Variants in PRDM6 observed in about 807,000 individuals in gnomAD.
The protein encoded by PRDM6 is PR/SET domain 6.
In PRDM6, 25 loss-of-function variants were observed where a neutral mutation model predicts 60.8. The ratio of observed to expected loss-of-function variants is 0.41; its 90% CI spans 0.30 to 0.57. The LOEUF is 0.57. Ranked by LOEUF, PRDM6 falls within the 20% of genes least tolerant of loss-of-function variation. PRDM6 has a pLI of 0.27. For synonymous variants in PRDM6, 407 were observed against 357.4 expected (o/e 1.14, Z -1.57); for missense variants, 839 against 821.3 (o/e 1.02, Z -0.26).
At chr5:123,104,235 G>A (rs1224308809) in intron 3 of PRDM6, among the ~76,000 whole-genome samples, 1 of 151,946 alleles carries the variant, frequency 6.6e-6, no homozygotes, top group Non-Finnish European at 1.5e-5. Flanking sequence ...ATTGCTAAAT[G>A]TTTATATTTC....
chr5:123,181,984 A>G (rs554004750), intron 7 of PRDM6, among the ~76,000 whole-genome samples: 1 of 152,352 alleles, frequency 6.6e-6, no homozygotes, highest in Admixed American at 6.5e-5. Context: ...GTTAATAATC[A>G]AAATAGTGAT....
chr5:123,174,155 T>A (rs1000452222), intron 6 of PRDM6, among the ~76,000 whole-genome samples: 1 of 152,224 alleles, frequency 6.6e-6, no homozygotes, highest in Non-Finnish European at 1.5e-5. Flanking sequence ...TCTGAAAATC[T>A]GAAATCTGAA....
chr5:123,101,215 A>G (rs1764096136), intron 3 of PRDM6, among the ~76,000 whole-genome samples: 1 of 152,176 alleles, frequency 6.6e-6, no homozygotes, highest in South Asian at 2.1e-4. Flanking sequence ...GAGATACAGT[A>G]TGAAAAACAG....
chr5:123,188,011 A>T lies in PRDM6; in HGVS notation c.*810A>T, dbSNP rs1390440610. On this transcript the variant is annotated 3_prime_UTR_variant, in exon 8 of 8. Transcript: ENST00000407847. ...CAATAACATTTTAGCTTAAAAAAAAAAAAAGAAAATGAAAATAAAGTTCTT... is the reference window on the plus strand; with the variant it reads ...CAATAACATTTTAGCTTAAAAAAAATAAAAGAAAATGAAAATAAAGTTCTT... The T allele has an allele frequency of 6.6e-6, 1 of 152,308 alleles. No individual in the cohort carries two copies. The highest frequency in any genetic ancestry group is 2.1e-4 in the South Asian group (1 of 4,824). The allele number at this position is 152,308 out of a possible 1,614,324, so 9.4% of individuals were successfully genotyped here.
intron 2 of PRDM6, among the ~76,000 whole-genome samples, chr5:123,091,525 A>G (rs541159696): frequency 1.4e-3 from 206 of 152,376 alleles, no homozygotes; most frequent in South Asian, 6.0e-3. Context: ...GTACAGTTCC[A>G]TTTGGCGGTT....
chr5:123,149,572 T>C (rs1430459919), intron 3 of PRDM6, among the ~76,000 whole-genome samples: 2 of 152,190 alleles, frequency 1.3e-5, no homozygotes, highest in African/African-American at 4.8e-5. Flanking sequence ...AAAGGTATAG[T>C]GGGTGCCTAT....
intron 3 of PRDM6, among the ~76,000 whole-genome samples, chr5:123,102,639 G>A (rs1764129212): frequency 6.6e-6 from 1 of 151,968 alleles, no homozygotes; most frequent in Non-Finnish European, 1.5e-5. Context: ...AAAATTAAAA[G>A]CAGTTGAATC....
chr5:123,124,501 A>G (rs1232131867), intron 3 of PRDM6, among the ~76,000 whole-genome samples: 3 of 152,218 alleles, frequency 2.0e-5, no homozygotes, highest in African/African-American at 7.2e-5. Context: ...CAAATCTGTT[A>G]TTTCAGACAA....
rs1027893277 is a variant in PRDM6 at position 123,099,297 on chromosome 5, A to G, written c.593-357A>G. Among the ~76,000 whole-genome samples the G allele has an allele frequency of 5.9e-5, 9 of 152,116 alleles. No individual in the cohort carries two copies. The highest frequency in any genetic ancestry group is 1.9e-4 in the African/African-American group (8 of 41,428). ...GACAGTAGGGAAGAGAGAGAGAGAG[A>G]CAGAGACAGAGGGAGAGATGCAGAG... is the stretch of plus-strand genomic sequence containing the variant. On this transcript the variant is annotated intron_variant, in intron 2 of 7. Transcript: ENST00000407847. This position sits in a 1 kb window ranked among gnomAD's most constrained non-coding sequence, Gnocchi z 4.0.
At chr5:123,109,756 A>C (rs906965935) in intron 3 of PRDM6, among the ~76,000 whole-genome samples, 2 of 152,234 alleles carry the variant, frequency 1.3e-5, no homozygotes, top group Non-Finnish European at 2.9e-5. Flanking sequence ...TGATTTCAGT[A>C]AGCAAAATGC....
At chr5:123,097,639 A>G (rs1364961983) in intron 2 of PRDM6, among the ~76,000 whole-genome samples, 2 of 136,292 alleles carry the variant, frequency 1.5e-5, no homozygotes, top group South Asian at 2.1e-4. Context: ...TATTTTCACA[A>G]TCAATAAGCT....
At chr5:123,173,088 C>T (rs762421120) in intron 6 of PRDM6, among the ~76,000 whole-genome samples, 1 of 151,268 alleles carries the variant, frequency 6.6e-6, no homozygotes, top group Non-Finnish European at 1.5e-5. Context: ...CTACTTGGGA[C>T]GCTGAGGCAG....
chr5:123,124,426 C>T (rs556114557), intron 3 of PRDM6, among the ~76,000 whole-genome samples: 157 of 152,244 alleles, frequency 1.0e-3, no homozygotes, highest in African/African-American at 3.3e-3. Context: ...CAGACAGACA[C>T]GGGAAGTTTG....
At chr5:123,141,437 A>T (rs1765098352) in intron 3 of PRDM6, among the ~76,000 whole-genome samples, 1 of 152,130 alleles carries the variant, frequency 6.6e-6, no homozygotes, top group Non-Finnish European at 1.5e-5. Context: ...AGCTACAGAA[A>T]AAAAGGTTTT....
At chr5:123,146,451 A>G (rs1029403632) in intron 3 of PRDM6, among the ~76,000 whole-genome samples, 2 of 152,194 alleles carry the variant, frequency 1.3e-5, no homozygotes, top group African/African-American at 4.8e-5. Context: ...TCACACTACT[A>G]TTATTTGTAG....
In PRDM6 at chr5:123,192,488, G is replaced by A. The variant is rs1044068235; in HGVS notation, c.*5287G>A. On this transcript the variant is annotated 3_prime_UTR_variant, in exon 8 of 8. Transcript: ENST00000407847. ...CAATACTGAAGTGCTATTAAAACAC[G>A]TATCATTATAGATGCTGATTTTGTC... The A allele has an allele frequency of 1.4e-5, 2 of 139,838 alleles. No homozygotes were observed. The highest frequency in any genetic ancestry group is 5.0e-5 in the African/African-American group (2 of 39,840). The allele number at this position is 139,838 out of a possible 1,614,324, so 8.7% of individuals were successfully genotyped here. A position where few individuals can be genotyped will look rare whatever the true frequency, so the allele number is the denominator to read the frequency against.
chr5:123,110,568 CTTT>C (rs974674301), intron 3 of PRDM6, among the ~76,000 whole-genome samples: 2 of 116,928 alleles, frequency 1.7e-5, no homozygotes, highest in East Asian at 2.4e-4. Context: ...TTTTTTTTTT[CTTT>C]TTTTTTTTTT....
Position 123,090,291 on chromosome 5 carries a change from G to A in PRDM6, c.277G>A (p.Ala93Thr). Residue 93 changes from alanine to threonine, a missense_variant, in exon 2 of 8, where the codon GCC becomes ACC. Physicochemically the swap from Ala to Thr is moderately conservative, Grantham distance 58 (BLOSUM62 0). This residue lies in a region of PRDM6 where 730 missense variants were observed against 648.8 expected (regional missense o/e 1.13). Coordinates refer to ENST00000407847, the MANE Select transcript of PRDM6 (RefSeq NM_001136239.4). Reference sequence around the variant, plus strand: ...TTCCTCTTCCACCTCCGCCTCCTCCGCCTCCTCCTGCGCTGCTGCGGCCGC... The same window carrying A: ...TTCCTCTTCCACCTCCGCCTCCTCCACCTCCTCCTGCGCTGCTGCGGCCGC... ...PASSSTSASS[A>T]SSCAAAAAAA... is the part of the protein sequence containing the mutation. The A allele has an allele frequency of 6.7e-7, 1 of 1,489,660 alleles. No homozygotes were observed. Among genetic ancestry groups the A allele is most frequent in the Non-Finnish European group, 8.9e-7 (1 of 1,121,420 alleles). 92.3% of individuals were successfully genotyped at this position (1,489,660 alleles called of 1,614,324 possible).
chr5:123,133,178 C>G (rs1764873324), intron 3 of PRDM6, among the ~76,000 whole-genome samples: 2 of 152,080 alleles, frequency 1.3e-5, no homozygotes, highest in South Asian at 4.1e-4. Context: ...TGCAGACATA[C>G]TGTTAGTTAT....
Sources: gnomAD v4.1 joint callset for allele counts (sites outside exome capture counted in the v4.1 genomes callset) on GRCh38, gnomAD v4.1.1 for gene constraint, gnomAD v4.1.1 regional missense constraint, Gnocchi (gnomAD v3.1) non-coding constraint, MANE v1.5 for transcripts, NCBI Gene and HGNC (gene_info 2026-07-23, HGNC 2026-07-21) for gene names.